Variants in MYO1E observed in about 807,000 individuals in gnomAD.
MYO1E encodes myosin IE.
A neutral mutation model predicts 151.1 loss-of-function variants in MYO1E; 68 were observed. That is an observed-to-expected ratio of 0.45 (90% CI 0.37 to 0.55). The LOEUF (loss-of-function observed/expected upper bound fraction) is 0.55, where lower values mean the gene tolerates loss of function less well. MYO1E is among the 20% of genes least tolerant of loss of function. The pLI is 0.00. For synonymous variants in MYO1E, 601 were observed against 501.7 expected, an observed-to-expected ratio of 1.20 and a Z score of -2.64; for missense variants, 1,363 against 1,389.3, an observed-to-expected ratio of 0.98 and a Z score of 0.30.
At chr15:59,297,694 A>G (rs1287504112) in intron 1 of MYO1E, among the ~76,000 whole-genome samples, 1 of 151,410 alleles carries the variant, frequency 6.6e-6, no homozygotes, top group African/African-American at 2.4e-5. Context: ...TGATCCTCCC[A>G]CCTCAGCCCT....
In MYO1E at chr15:59,205,448, C is replaced by T; in HGVS notation, c.1568G>A (p.Arg523Gln). 1.9e-6 allele frequency: 3 copies of T among 1,614,120 alleles called. No homozygotes were observed. Among genetic ancestry groups the T allele is most frequent in the Non-Finnish European group, 2.5e-6 (3 of 1,180,028 alleles). ...GATGAGATCCATAAAAAGCACATCCCGGTTCCTTTCACAAAAGCCATCCAT... is the reference window on the plus strand; with the variant it reads ...GATGAGATCCATAAAAAGCACATCCTGGTTCCTTTCACAAAAGCCATCCAT... The part of the protein sequence containing the change: ...YDMDGFCERN[R>Q]DVLFMDLIEL... The change falls in exon 15 of 28, where the codon CGG (arginine) becomes CAG (glutamine). Residue 523 changes from arginine (R) to glutamine (Q), a missense_variant. By Grantham distance (43) the Arg-to-Gln change is conservative. Transcript: ENST00000288235.
chr15:59,350,328 TCA>T lies in MYO1E; in HGVS notation c.3+22168_3+22169del, dbSNP rs1311541576. Among the ~76,000 whole-genome samples the T allele has an allele frequency of 7.9e-5, 12 of 152,200 alleles. No individual in the cohort carries two copies. Among genetic ancestry groups the T allele is most frequent in the African/African-American group, 2.4e-4 (10 of 41,452 alleles). On this transcript the variant is annotated intron_variant, in intron 1 of 27. Coordinates refer to ENST00000288235, the MANE Select transcript of MYO1E (RefSeq NM_004998.4). The surrounding 1 kb of genome is among the most constrained non-coding windows in gnomAD (Gnocchi z 5.0). ...CACTCCAGCTAGAGGATACACTGAC[TCA>T]CAGTTTCATTACCTTCTATTCACCA...
Position 59,224,781 on chromosome 15 carries a change from T to C in MYO1E, c.685A>G (p.Ile229Val). ...TAGTAATAATAGTCCATGCTGGTGA[T>C]GCCAAGGCTGTGTTTCTGCTCTGCA... is the stretch of plus-strand genomic sequence containing the variant. ...ASAEQKHSLG[I>V]TSMDYYYYLS... The change falls in exon 8 of 28, where the codon ATC becomes GTC. Residue 229 changes from isoleucine (I) to valine (V), a missense_variant. Physicochemically the swap from Ile to Val is conservative, Grantham distance 29. Coordinates refer to ENST00000288235, the MANE Select transcript of MYO1E (RefSeq NM_004998.4). The C allele has an allele frequency of 6.2e-7, 1 of 1,614,218 alleles. No individual in the cohort carries two copies. Among genetic ancestry groups the C allele is most frequent in the Non-Finnish European group, 8.5e-7 (1 of 1,180,026 alleles).
At chr15:59,344,343 G>T (rs1288641040) in intron 1 of MYO1E, among the ~76,000 whole-genome samples, 3 of 152,204 alleles carry the variant, frequency 2.0e-5, no homozygotes, top group Non-Finnish European at 4.4e-5. Flanking sequence ...AGAGACTCTT[G>T]TTCTTTTCCT....
chr15:59,192,424 A>C (rs1433030013), intron 17 of MYO1E, among the ~76,000 whole-genome samples: 2 of 152,196 alleles, frequency 1.3e-5, no homozygotes, highest in African/African-American at 4.8e-5. Flanking sequence ...GATTTTTACA[A>C]GGAAGTAGCA....
chr15:59,151,723 G>C lies in MYO1E; in HGVS notation c.3080+1867C>G, dbSNP rs149089515. 6.3e-3 allele frequency among the ~76,000 whole-genome samples: 953 copies of C among 152,088 alleles called. 13 individuals carry two copies. The highest frequency in any genetic ancestry group is 0.022 in the African/African-American group (912 of 41,464). Reference sequence around the variant, plus strand: ...AGGTCAGGAGTTTGAGACCAGCCTGGCCAACATGGCGAAACCCTGTCTCTA... The same window carrying C: ...AGGTCAGGAGTTTGAGACCAGCCTGCCCAACATGGCGAAACCCTGTCTCTA... On this transcript the variant is annotated intron_variant, in intron 26 of 27. Transcript: ENST00000288235.
intron 22 of MYO1E, among the ~76,000 whole-genome samples, chr15:59,163,686 A>T (rs1472000815): frequency 6.6e-6 from 1 of 152,224 alleles, no homozygotes; most frequent in Non-Finnish European, 1.5e-5. Context: ...ATGACTCTAC[A>T]TTTAAGTTCC....
Position 59,178,521 on chromosome 15 carries a change from T to C in MYO1E, c.1921A>G (p.Lys641Glu). 2 of 1,614,190 alleles carry C rather than the reference T, an allele frequency of 1.2e-6. No homozygotes were observed. Among genetic ancestry groups the C allele is most frequent in the South Asian group, 1.1e-5 (1 of 91,090 alleles). ...CCCTGCCAAGAAGGCCAGGTGGCTT[T>C]GGTCAGAATGGCATACCTGTGGGGA... The part of the protein sequence containing the change: ...KFLQRYAILT[K>E]ATWPSWQGEE... Residue 641 changes from lysine (K) to glutamate (E), a missense_variant, in exon 19 of 28, where the codon AAA (lysine) becomes GAA (glutamate). Transcript: ENST00000288235.
At chr15:59,141,973 G>A (rs961050631) in intron 26 of MYO1E, among the ~76,000 whole-genome samples, 5 of 151,738 alleles carry the variant, frequency 3.3e-5, no homozygotes, top group African/African-American at 4.8e-5. Flanking sequence ...CGGGCGTGGT[G>A]GCGGGCGCTT....
In MYO1E at chr15:59,171,906, A is replaced by G. The variant is rs2079597181; in HGVS notation, c.2471T>C (p.Val824Ala). ...RKIEIERILS[V>A]SLSTMQDDIF... The stretch of plus-strand genomic sequence containing the variant: ...CACCTCCACTACTCACCTGAGGGAC[A>G]CAGACAAGATCCGTTCTATCTCGAT... The change falls in exon 22 of 28, where the codon GTG becomes GCG. Residue 824 changes from valine to alanine, a missense_variant. By Grantham distance (64) the Val-to-Ala change is moderately conservative. Transcript: ENST00000288235. The G allele has an allele frequency of 2.5e-6, 4 of 1,614,232 alleles. No individual in the cohort carries two copies. The highest frequency in any genetic ancestry group is 3.4e-6 in the Non-Finnish European group (4 of 1,180,044).
chr15:59,254,629 C>A (rs2080183605), intron 4 of MYO1E, among the ~76,000 whole-genome samples: 1 of 152,042 alleles, frequency 6.6e-6, no homozygotes, highest in Non-Finnish European at 1.5e-5. Context: ...ACACATTCTA[C>A]TATTCTTTCT....
chr15:59,236,364 ATATATACAC>A (rs1250471690), intron 5 of MYO1E, among the ~76,000 whole-genome samples: 28 of 48,540 alleles, frequency 5.8e-4, no homozygotes, highest in Non-Finnish European at 1.1e-3. Flanking sequence ...AAAAAAAAAA[ATATATACAC>A]ACACACACAC....
chr15:59,221,518 C>T (rs2079956390), intron 9 of MYO1E, among the ~76,000 whole-genome samples: 1 of 152,166 alleles, frequency 6.6e-6, no homozygotes, highest in African/African-American at 2.4e-5. Context: ...ACTTTCACTG[C>T]ATACCCCCTC....
chr15:59,290,872 G>A (rs1170177776), intron 1 of MYO1E, among the ~76,000 whole-genome samples: 2 of 152,164 alleles, frequency 1.3e-5, no homozygotes, highest in Non-Finnish European at 2.9e-5. Context: ...AGAGTCAAAG[G>A]TGCTGAGATA....
At chr15:59,354,342 GAACA>G (rs2080841843) in intron 1 of MYO1E, among the ~76,000 whole-genome samples, 1 of 152,168 alleles carries the variant, frequency 6.6e-6, no homozygotes, top group Admixed American at 6.5e-5. Context: ...CTTTAAACCA[GAACA>G]GACACAACCT....
rs1237767777 is a variant in MYO1E, at chr15:59,218,251, T to C, written c.911-164A>G. 7 of 776,270 alleles carry C rather than the reference T, an allele frequency of 9.0e-6. 1 individual carries two copies. Among genetic ancestry groups the C allele is most frequent in the Middle Eastern group, 4.5e-4 (2 of 4,468 alleles). 48.1% of individuals were successfully genotyped at this position (776,270 alleles called of 1,614,324 possible). A position where few individuals can be genotyped will look rare whatever the true frequency, so the allele number is the denominator to read the frequency against. On this transcript the variant is annotated intron_variant, in intron 9 of 27. Transcript: ENST00000288235. Reference sequence around the variant, plus strand: ...CGTTCTAGTGAAGGCTGCTTATCAGTAATCCCATACACATCCATCTCCTTT... The same window carrying C: ...CGTTCTAGTGAAGGCTGCTTATCAGCAATCCCATACACATCCATCTCCTTT...
rs149243354 is a variant in MYO1E at position 59,241,861 on chromosome 15, G to A, written c.333-5189C>T. Among the ~76,000 whole-genome samples the A allele has an allele frequency of 6.4e-3, 969 of 152,128 alleles. 13 individuals carry two copies. The highest frequency in any genetic ancestry group is 0.022 in the African/African-American group (914 of 41,486). ...TTGAGTCCAGGAGGTTGAGGCTGCA[G>A]TGAGCTATTGTTGAGCTACTGCACT... On this transcript the variant is annotated intron_variant, in intron 4 of 27. Coordinates refer to ENST00000288235, the MANE Select transcript of MYO1E (RefSeq NM_004998.4).
At chr15:59,348,116 C>T (rs1435386410) in intron 1 of MYO1E, among the ~76,000 whole-genome samples, 1 of 151,620 alleles carries the variant, frequency 6.6e-6, no homozygotes, top group Non-Finnish European at 1.5e-5. Context: ...TTTTGGAGGC[C>T]TCTGGTCTAG....
intron 25 of MYO1E, 88 bp from the exon 26 acceptor site, chr15:59,153,879 G>C: frequency 7.9e-7 from 1 of 1,265,136 alleles, no homozygotes; most frequent in Non-Finnish European, 1.1e-6. Context: ...TGTACTACAA[G>C]GGCAGCTTAC....
Sources: gnomAD v4.1 joint callset for allele counts (sites outside exome capture counted in the v4.1 genomes callset) on GRCh38, gnomAD v4.1.1 for gene constraint, Gnocchi (gnomAD v3.1) non-coding constraint, MANE v1.5 for transcripts, NCBI Gene and HGNC (gene_info 2026-07-23, HGNC 2026-07-21) for gene names.